The following GGA2 variants were observed in gnomAD, a reference collection of about 807,000 sequenced individuals.
GGA2 encodes the protein golgi associated, gamma adaptin ear containing, ARF binding protein 2, also known as ADP-ribosylation factor-binding protein GGA2.
GGA2 carries 48 observed loss-of-function variants against 79.5 expected under a neutral mutation model. That is an observed-to-expected ratio of 0.60 (90% CI 0.48 to 0.77). GGA2 has a LOEUF of 0.77. Among genes scored for constraint, GGA2 ranks in the 30% least tolerant of loss-of-function variants. The pLI, the probability that GGA2 is intolerant of heterozygous loss-of-function variation, is 0.00. For missense variants in GGA2, 770 were observed against 774.0 expected (o/e 0.99, Z 0.06); for synonymous variants, 317 against 302.0 (o/e 1.05, Z -0.51).
chr16:23,488,973 T>C (rs1964749434), intron 5 of GGA2, among the ~76,000 whole-genome samples: 1 of 152,176 alleles, frequency 6.6e-6, no homozygotes, highest in African/African-American at 2.4e-5. Flanking sequence ...GTGGGCCTTA[T>C]GCTGTAAAAG....
At chr16:23,510,503 A>G (rs898863146), upstream of GGA2, 83 of 465,860 alleles carry the variant, frequency 1.8e-4, 1 homozygote, top group African/African-American at 1.5e-3. Context: ...GCGCGGCAGG[A>G]GCGGTGGACA....
chr16:23,524,332 G>T, upstream of GGA2: 1 of 1,577,306 alleles, frequency 6.3e-7, no homozygotes, highest in Non-Finnish European at 8.7e-7. Context: ...AAGCTCACAG[G>T]TTCTTAGGGC....
At position 23,521,844 on chromosome 16, in the gene GGA2, A is replaced by G. The variant is rs886580333; in HGVS notation, c.-44T>C. On this transcript the variant is annotated 5_prime_UTR_variant, in exon 1 of 6. Transcript: ENST00000569300. Reference sequence around the variant, plus strand: ...TAACCATTCTTAATGTCTTAGAAACAGATGCTCTGACAACACTCAGTAGAT... The same window carrying G: ...TAACCATTCTTAATGTCTTAGAAACGGATGCTCTGACAACACTCAGTAGAT... 1.1e-5 allele frequency: 5 copies of G among 455,874 alleles called. No individual in the cohort carries two copies. The Admixed American group carries it at 1.2e-4, about 11-fold the overall frequency. 28.2% of individuals were successfully genotyped at this position (455,874 alleles called of 1,614,324 possible). A position where few individuals can be genotyped will look rare whatever the true frequency, so the allele number is the denominator to read the frequency against.
intron 10 of GGA2, among the ~76,000 whole-genome samples, 159 bp from the exon 11 acceptor site, chr16:23,480,046 A>G (rs993964757): frequency 2.0e-5 from 3 of 152,150 alleles, no homozygotes; most frequent in Non-Finnish European, 4.4e-5. Context: ...CTGACACACA[A>G]GCTCAGCTGG....
At chr16:23,508,882 C>T (rs984992376) in intron 1 of GGA2, among the ~76,000 whole-genome samples, 1 of 152,132 alleles carries the variant, frequency 6.6e-6, no homozygotes, top group African/African-American at 2.4e-5. Flanking sequence ...CATCTGTAAC[C>T]CACCAGTTCC....
At chr16:23,510,082 TG>T (rs1032096811) in intron 1 of GGA2, among the ~76,000 whole-genome samples, 91 of 129,344 alleles carry the variant, frequency 7.0e-4, no homozygotes, top group African/African-American at 2.9e-3. Context: ...GCTGCTAAGT[TG>T]GGGGGTGGGC....
chr16:23,490,492 T>C (rs1309507125), intron 5 of GGA2, among the ~76,000 whole-genome samples: 1 of 152,028 alleles, frequency 6.6e-6, no homozygotes, highest in African/African-American at 2.4e-5. Flanking sequence ...TCCAGCACTT[T>C]GGGAGGCTGA....
At chr16:23,509,418 G>C (rs886455164) in intron 1 of GGA2, among the ~76,000 whole-genome samples, 2 of 152,094 alleles carry the variant, frequency 1.3e-5, no homozygotes, top group African/African-American at 4.8e-5. Context: ...ACCACCACAG[G>C]TGAAACGAAC....
At chr16:23,471,725 T>G (rs545410249) in intron 14 of GGA2, among the ~76,000 whole-genome samples, 2 of 152,026 alleles carry the variant, frequency 1.3e-5, no homozygotes, top group Non-Finnish European at 2.9e-5. Context: ...TACAGTGAGA[T>G]CTGCCTCCCA....
intron 1 of GGA2, chr16:23,501,054 C>A: frequency 1.1e-5 from 4 of 361,158 alleles, no homozygotes; most frequent in South Asian, 2.1e-5. Context: ...CAACATAAAG[C>A]ACAGATACGC....
chr16:23,465,490 G>T lies in GGA2; in HGVS notation c.*2100C>A, dbSNP rs554709625. On this transcript the variant is annotated 3_prime_UTR_variant, in exon 17 of 17. Coordinates refer to ENST00000309859, the MANE Select transcript of GGA2 (RefSeq NM_015044.4). The stretch of plus-strand genomic sequence containing the variant: ...TCTCCTCAAAAGCAAGAATGTTCAG[G>T]TACACATGTGTGAGTTCACCTCCTA... The T allele has an allele frequency of 4.3e-6, 3 of 695,814 alleles. No homozygotes were observed. In the South Asian group the frequency reaches 4.5e-5, roughly 10 times the overall value. 43.1% of individuals were successfully genotyped at this position (695,814 alleles called of 1,614,324 possible).
chr16:23,514,638 G>T (rs913858238), upstream of GGA2, among the ~76,000 whole-genome samples: 1 of 152,004 alleles, frequency 6.6e-6, no homozygotes, highest in Non-Finnish European at 1.5e-5. Context: ...GTTTTGTAGA[G>T]ATAAGGTCTC....
At chr16:23,514,595 C>A (rs942796440), upstream of GGA2, among the ~76,000 whole-genome samples, 6 of 151,962 alleles carry the variant, frequency 3.9e-5, no homozygotes, top group Non-Finnish European at 8.8e-5. Flanking sequence ...GGATAACAGG[C>A]ACACACACCA....
chr16:23,511,254 G>T (rs924252587), upstream of GGA2, among the ~76,000 whole-genome samples: 2 of 142,316 alleles, frequency 1.4e-5, no homozygotes. Flanking sequence ...CTGGGTTCAA[G>T]CGATTCTCCT....
chr16:23,504,269 C>T (rs1160863170), intron 1 of GGA2, among the ~76,000 whole-genome samples: 1 of 152,186 alleles, frequency 6.6e-6, no homozygotes, highest in Non-Finnish European at 1.5e-5. Context: ...GGATGTGTTT[C>T]TAACCACTCT....
intron 1 of GGA2, chr16:23,501,456 G>A (rs1964920809): frequency 1.9e-5 from 8 of 431,314 alleles, no homozygotes; most frequent in South Asian, 9.9e-5. Flanking sequence ...GTGTCTGCCA[G>A]TGTTTATGCA....
At chr16:23,499,577 C>A (rs1310799047) in intron 1 of GGA2, among the ~76,000 whole-genome samples, 1 of 152,164 alleles carries the variant, frequency 6.6e-6, no homozygotes, top group Non-Finnish European at 1.5e-5. Context: ...GAGCTTGTAT[C>A]ATGAGGACTC....
intron 1 of GGA2, among the ~76,000 whole-genome samples, chr16:23,502,337 A>G (rs568725957): frequency 6.6e-6 from 1 of 152,304 alleles, no homozygotes; most frequent in Non-Finnish European, 1.5e-5. Context: ...CCAGGCCGAT[A>G]ATGGTCATGC....
chr16:23,481,618 C>A lies in GGA2; in HGVS notation c.881-848G>T, dbSNP rs187346040. 8.0e-3 allele frequency among the ~76,000 whole-genome samples: 1,210 copies of A among 151,834 alleles called. 22 individuals carry two copies. The highest frequency in any genetic ancestry group is 6.3e-3 in the Non-Finnish European group (425 of 67,910). ...CAAAACTCCATCTCTACTAAAAGTA[C>A]AAAAATTAGCCAGGTGTGGTGGTGC... On this transcript the variant is annotated intron_variant, in intron 9 of 16. Transcript: ENST00000309859.
Sources: allele counts gnomAD v4.1 joint callset (sites outside exome capture counted in the v4.1 genomes callset), GRCh38; gene constraint gnomAD v4.1.1; transcripts MANE v1.5; gene names NCBI Gene and HGNC (gene_info 2026-07-23, HGNC 2026-07-21).